PDGFC: variants seen among roughly 807,000 people sequenced by gnomAD.
PDGFC encodes the protein platelet-derived growth factor C.
Under a neutral mutation model 35.5 loss-of-function variants are expected in PDGFC, and 12 were observed. The ratio of observed to expected loss-of-function variants is 0.34; its 90% CI spans 0.22 to 0.55. PDGFC has a LOEUF of 0.55. PDGFC is among the 20% of genes least tolerant of loss of function. PDGFC has a pLI of 0.91. For synonymous variants in PDGFC, 159 were observed against 148.8 expected (o/e 1.07, Z -0.50); for missense variants, 322 against 412.4 (o/e 0.78, Z 1.90).
At chr4:156,901,756 C>G (rs62331505) in intron 1 of PDGFC, among the ~76,000 whole-genome samples, 92,846 of 151,864 alleles carry the variant, frequency 0.61, 28,580 homozygotes, top group East Asian at 0.71. Flanking sequence ...CTGAGGAGCT[C>G]GGTGTACCAC....
chr4:156,810,760 C>T, intron 3 of PDGFC, 77 bp downstream of exon 3: 1 of 906,032 alleles, frequency 1.1e-6, no homozygotes, highest in Non-Finnish European at 1.7e-6. Flanking sequence ...TTCTGATTCT[C>T]ATGTGTAAGA....
intron 1 of PDGFC, among the ~76,000 whole-genome samples, chr4:156,859,933 A>G (rs1729670799): frequency 6.6e-6 from 1 of 152,162 alleles, no homozygotes; most frequent in African/African-American, 2.4e-5. Context: ...GATTTTAAGT[A>G]TCCTTTATTC....
intron 1 of PDGFC, among the ~76,000 whole-genome samples, chr4:156,956,446 G>C (rs1410762200): frequency 2.0e-5 from 3 of 152,156 alleles, no homozygotes; most frequent in African/African-American, 7.2e-5. Flanking sequence ...GTATATTACA[G>C]TTTATGAAGC....
chr4:156,853,131 C>T (rs1253748808), intron 1 of PDGFC, among the ~76,000 whole-genome samples: 1 of 152,172 alleles, frequency 6.6e-6, no homozygotes, highest in Admixed American at 6.5e-5. Context: ...ACTAATACAC[C>T]TTCTATCGCA....
intron 3 of PDGFC, among the ~76,000 whole-genome samples, chr4:156,799,785 A>C (rs1177818924): frequency 1.3e-5 from 2 of 152,200 alleles, no homozygotes; most frequent in Non-Finnish European, 2.9e-5. Context: ...CTTAGACTCC[A>C]GGTGACATTT....
intron 1 of PDGFC, among the ~76,000 whole-genome samples, chr4:156,885,779 G>A (rs1730362680): frequency 6.6e-6 from 1 of 152,082 alleles, no homozygotes; most frequent in African/African-American, 2.4e-5. Flanking sequence ...GTATTACTTA[G>A]GAGGCTGAGG....
intron 2 of PDGFC, among the ~76,000 whole-genome samples, chr4:156,814,221 G>A (rs893419787): frequency 6.6e-6 from 1 of 152,250 alleles, no homozygotes; most frequent in Middle Eastern, 3.4e-3. Flanking sequence ...GCCGCTGGAG[G>A]CTTCATAGAG....
rs1730388082 is a variant in PDGFC at position 156,761,975 on chromosome 4, GA to G, written c.*1114del. The G allele has an allele frequency of 6.6e-6, 1 of 152,596 alleles. No homozygotes were observed. Among genetic ancestry groups the G allele is most frequent in the Non-Finnish European group, 1.5e-5 (1 of 68,034 alleles). 9.5% of individuals were successfully genotyped at this position (152,596 alleles called of 1,614,324 possible). ...CTAGGCTCAGATTTCCCCAAAAAAG[GA>G]ATAGGTTAGTAATGGCTGGATCTGA... On this transcript the variant is annotated 3_prime_UTR_variant, in exon 6 of 6. Transcript: ENST00000502773.
intron 1 of PDGFC, among the ~76,000 whole-genome samples, chr4:156,915,204 T>C (rs1489667990): frequency 6.6e-6 from 1 of 152,222 alleles, no homozygotes; most frequent in Non-Finnish European, 1.5e-5. Context: ...CTTCCAACCA[T>C]GCTTTCTATT....
intron 3 of PDGFC, among the ~76,000 whole-genome samples, chr4:156,791,154 G>A (rs1248608487): frequency 6.6e-6 from 1 of 152,064 alleles, no homozygotes; most frequent in African/African-American, 2.4e-5. Context: ...GCTGTCACAG[G>A]AACATTTGTC....
chr4:156,971,402 T>A lies in PDGFC; in HGVS notation c.-499A>T. ...AGATGCGGCTCTCCGGGCGCCCCTC[T>A]CCCCCGCCCCACCCCCCACCCCCGA... On this transcript the variant is annotated 5_prime_UTR_variant, in exon 1 of 6. Coordinates refer to ENST00000502773, the MANE Select transcript of PDGFC (RefSeq NM_016205.3). The A allele has an allele frequency of 1.9e-5, 5 of 262,660 alleles. No homozygotes were observed. The highest frequency in any genetic ancestry group is 3.5e-5 in the Non-Finnish European group (5 of 142,438). 16.3% of individuals were successfully genotyped at this position (262,660 alleles called of 1,614,324 possible). A position where few individuals can be genotyped will look rare whatever the true frequency, so the allele number is the denominator to read the frequency against.
chr4:156,772,922 T>C (rs1335070434), intron 3 of PDGFC, 29 bp from the exon 4 acceptor site: 7 of 1,517,508 alleles, frequency 4.6e-6, no homozygotes, highest in Non-Finnish European at 5.5e-6. Flanking sequence ...CTGTGTTAAC[T>C]GTTTTAAAAA....
chr4:156,964,032 T>C (rs907713545), intron 1 of PDGFC, among the ~76,000 whole-genome samples: 3 of 149,962 alleles, frequency 2.0e-5, no homozygotes, highest in African/African-American at 7.4e-5. Flanking sequence ...CCATAGAATA[T>C]AGTGTAAATA....
chr4:156,782,994 G>A (rs919489652), intron 3 of PDGFC, among the ~76,000 whole-genome samples: 10 of 152,150 alleles, frequency 6.6e-5, no homozygotes, highest in African/African-American at 1.9e-4. Context: ...CCCAAGTGCT[G>A]TGAGTGTGAT....
chr4:156,770,610 G>C (rs146597962), intron 4 of PDGFC: 3 of 152,054 alleles, frequency 2.0e-5, no homozygotes, highest in African/African-American at 7.2e-5. Flanking sequence ...GTAAAAGTTG[G>C]TCTTCAGATT....
intron 2 of PDGFC, among the ~76,000 whole-genome samples, chr4:156,824,285 C>CAT (rs58698115): frequency 0.027 from 2,475 of 90,860 alleles, 29 homozygotes; most frequent in Admixed American, 0.042. Flanking sequence ...ACAATGTAAG[C>CAT]ATATATATAT....
At chr4:156,848,051 A>G (rs1425673414) in intron 2 of PDGFC, among the ~76,000 whole-genome samples, 1 of 151,890 alleles carries the variant, frequency 6.6e-6, no homozygotes, top group Non-Finnish European at 1.5e-5. Context: ...AATTCCAGAT[A>G]AATAAAGAAA....
intron 1 of PDGFC, among the ~76,000 whole-genome samples, chr4:156,913,293 G>A (rs1050991368): frequency 1.3e-5 from 2 of 152,024 alleles, no homozygotes; most frequent in Admixed American, 6.6e-5. Flanking sequence ...GCCCTACAAC[G>A]GAGTTGGGAA....
chr4:156,775,254 G>A (rs1016440043), intron 3 of PDGFC, among the ~76,000 whole-genome samples: 6 of 151,976 alleles, frequency 3.9e-5, no homozygotes, highest in Non-Finnish European at 7.4e-5. Context: ...AAAAGTTAAC[G>A]CAAATTTTTG....
Sources: allele counts gnomAD v4.1 joint callset (sites outside exome capture counted in the v4.1 genomes callset), GRCh38; gene constraint gnomAD v4.1.1; transcripts MANE v1.5; gene names NCBI Gene and HGNC (gene_info 2026-07-23, HGNC 2026-07-21).